CACNA1E: variants seen among roughly 807,000 people sequenced by gnomAD.
The protein encoded by CACNA1E is voltage-dependent R-type calcium channel subunit alpha-1E.
Under a neutral mutation model 259.2 loss-of-function variants are expected in CACNA1E, and 40 were observed. That is an observed-to-expected ratio of 0.15 (90% confidence interval 0.12 to 0.20). CACNA1E has a LOEUF of 0.20. CACNA1E is among the 10% of genes least tolerant of loss of function. The pLI is 1.00. For missense variants in CACNA1E, 1,874 were observed against 3,040.1 expected, an observed-to-expected ratio of 0.62 and a Z score of 9.02; for synonymous variants, 1,104 against 1,138.5, an observed-to-expected ratio of 0.97 and a Z score of 0.61.
intron 6 of CACNA1E, among the ~76,000 whole-genome samples, chr1:181,647,783 C>G (rs935680013): frequency 6.6e-6 from 1 of 152,148 alleles, no homozygotes; most frequent in Admixed American, 6.5e-5. Context: ...TGCTTCCTGC[C>G]GAGGTGTGTC....
At chr1:181,743,824 C>T (rs1656809621) in intron 25 of CACNA1E, among the ~76,000 whole-genome samples, 1 of 152,230 alleles carries the variant, frequency 6.6e-6, no homozygotes, top group South Asian at 2.1e-4. Flanking sequence ...GTAGTCATCT[C>T]ACAGCTTATA....
At chr1:181,512,106 A>C (rs1666219607) in intron 3 of CACNA1E, among the ~76,000 whole-genome samples, 1 of 152,278 alleles carries the variant, frequency 6.6e-6, no homozygotes, top group Admixed American at 6.5e-5. Context: ...GGGCTGACCC[A>C]GTGTCACAGC....
chr1:181,436,585 T>C (rs138228210), intron 2 of CACNA1E, among the ~76,000 whole-genome samples: 1 of 152,358 alleles, frequency 6.6e-6, no homozygotes, highest in Non-Finnish European at 1.5e-5. Flanking sequence ...GAGCATATTA[T>C]GCTAAGTGAA....
intron 6 of CACNA1E, among the ~76,000 whole-genome samples, chr1:181,602,999 C>T (rs1300130576): frequency 6.6e-6 from 1 of 152,140 alleles, no homozygotes; most frequent in African/African-American, 2.4e-5. Context: ...CCAGCCTCAA[C>T]AAGCCTTAAA....
chr1:181,637,594 C>G (rs1213965289), intron 6 of CACNA1E, among the ~76,000 whole-genome samples: 1 of 152,114 alleles, frequency 6.6e-6, no homozygotes, highest in Admixed American at 6.6e-5. Context: ...GTTCATTCAA[C>G]AAACACTTGC....
intron 7 of CACNA1E, among the ~76,000 whole-genome samples, chr1:181,686,631 CTT>C (rs751094794): frequency 1.8e-4 from 27 of 152,146 alleles, no homozygotes; most frequent in Non-Finnish European, 3.7e-4. Flanking sequence ...GAGTTTTGGC[CTT>C]TCACACTGAC....
Position 181,758,718 on chromosome 1 carries a change from A to T in CACNA1E, c.4495-40A>T. 1 of 1,165,250 alleles carries T rather than the reference A, an allele frequency of 8.6e-7. No individual in the cohort carries two copies. The highest frequency in any genetic ancestry group is 1.3e-6 in the Non-Finnish European group (1 of 777,804). 72.2% of individuals were successfully genotyped at this position (1,165,250 alleles called of 1,614,324 possible). ...GACATGTATTCCCCCTCTTACCTTA[A>T]GGCTGTGATTCTTTCTCTCTTCTTT... On this transcript the variant is annotated intron_variant, in intron 31 of 47. Coordinates refer to ENST00000367573, the MANE Select transcript of CACNA1E (RefSeq NM_001205293.3). The surrounding 1 kb of genome is among the most constrained non-coding windows in gnomAD (Gnocchi z 4.2).
chr1:181,700,629 A>G (rs1336342455), intron 7 of CACNA1E, among the ~76,000 whole-genome samples: 1 of 152,192 alleles, frequency 6.6e-6, no homozygotes, highest in East Asian at 1.9e-4. Flanking sequence ...GATATGGGTA[A>G]GTCAAGTTGC....
chr1:181,495,283 G>A (rs780322484), intron 1 of CACNA1E, among the ~76,000 whole-genome samples: 7 of 151,740 alleles, frequency 4.6e-5, no homozygotes, highest in Admixed American at 2.6e-4. Context: ...TTAGGGGGTC[G>A]TTGTTAAAAA....
chr1:181,577,312 T>A (rs966006601), intron 3 of CACNA1E, among the ~76,000 whole-genome samples: 4 of 152,150 alleles, frequency 2.6e-5, no homozygotes, highest in African/African-American at 7.2e-5. Flanking sequence ...AAGGTAGAGA[T>A]GAGTGAGTTA....
intron 2 of CACNA1E, among the ~76,000 whole-genome samples, chr1:181,473,254 T>C (rs951712450): frequency 1.3e-5 from 2 of 152,222 alleles, no homozygotes; most frequent in African/African-American, 2.4e-5. Context: ...TAACTGAGGC[T>C]GGCCTACCAG....
chr1:181,713,001 G>A (rs574509871), intron 8 of CACNA1E, among the ~76,000 whole-genome samples: 4 of 152,208 alleles, frequency 2.6e-5, no homozygotes, highest in African/African-American at 9.7e-5. Context: ...GACGCACTGC[G>A]ACGTCAAAGT....
intron 12 of CACNA1E, 49 bp from the exon 13 acceptor site, chr1:181,719,701 CT>C: frequency 9.7e-7 from 1 of 1,025,750 alleles, no homozygotes; most frequent in Non-Finnish European, 1.5e-6. Flanking sequence ...AGAATGCCCC[CT>C]CTTCTCCTCT....
rs1657996935 is a variant in CACNA1E at position 181,755,362 on chromosome 1, C to T, written c.3954C>T (p.Cys1318=). Reference sequence around the variant, plus strand: ...TCTTCAAGGGAAAGTTCTTTTATTGCACGGACAGTTCCAAGGACACAGAGA... The same window carrying T: ...TCTTCAAGGGAAAGTTCTTTTATTGTACGGACAGTTCCAAGGACACAGAGA... ...VQLFKGKFFY[C]TDSSKDTEKE... The change falls in exon 28 of 48, where the codon TGC becomes TGT. Residue 1318 remains cysteine (C), a synonymous_variant. Coordinates refer to ENST00000367573, the MANE Select transcript of CACNA1E (RefSeq NM_001205293.3). 1 of 1,613,906 alleles carries T rather than the reference C, an allele frequency of 6.2e-7. No individual in the cohort carries two copies. The highest frequency in any genetic ancestry group is 1.1e-5 in the South Asian group (1 of 91,076).
chr1:181,760,340 G>A (rs898485025), intron 32 of CACNA1E, among the ~76,000 whole-genome samples: 2 of 152,122 alleles, frequency 1.3e-5, no homozygotes, highest in Non-Finnish European at 2.9e-5. Flanking sequence ...TCTTTACATT[G>A]TTAAGGCACT....
chr1:181,381,621 T>A (rs1230481475), intron 1 of CACNA1E, among the ~76,000 whole-genome samples: 3 of 152,190 alleles, frequency 2.0e-5, no homozygotes, highest in Non-Finnish European at 4.4e-5. Context: ...TCAATTCTAC[T>A]CCAATAAAGC....
chr1:181,771,447 G>C, intron 36 of CACNA1E, 63 bp downstream of exon 36: 1 of 854,318 alleles, frequency 1.2e-6, no homozygotes, highest in Non-Finnish European at 2.0e-6. Flanking sequence ...GAGTTTGTCT[G>C]CCTCTTCCTC....
In CACNA1E at chr1:181,667,081, A is replaced by G. The variant is rs1252500273; in HGVS notation, c.1055+15640A>G. ...AATTTGTAAAAATAAAAATACACTGACCACTATAATTTATTAATAACTTCC... is the reference window on the plus strand; with the variant it reads ...AATTTGTAAAAATAAAAATACACTGGCCACTATAATTTATTAATAACTTCC... On this transcript the variant is annotated intron_variant, in intron 7 of 47. Transcript: ENST00000367573. Among the ~76,000 whole-genome samples the G allele has an allele frequency of 2.6e-5, 4 of 152,176 alleles. No homozygotes were observed. The East Asian group carries it at 7.7e-4, about 29-fold the overall frequency.
At chr1:181,567,145 T>C (rs1374321367) in intron 3 of CACNA1E, among the ~76,000 whole-genome samples, 13 of 152,172 alleles carry the variant, frequency 8.5e-5, no homozygotes, top group Non-Finnish European at 1.5e-5. Context: ...AAAAGGCATA[T>C]ATTGAGACCA....
Sources: gnomAD v4.1 joint callset for allele counts (sites outside exome capture counted in the v4.1 genomes callset) on GRCh38, gnomAD v4.1.1 for gene constraint, Gnocchi (gnomAD v3.1) non-coding constraint, MANE v1.5 for transcripts, NCBI Gene and HGNC (gene_info 2026-07-23, HGNC 2026-07-21) for gene names.